Variants in LTA4H observed in about 807,000 individuals in gnomAD.
LTA4H encodes leukotriene A4 hydrolase.
In LTA4H, 59 loss-of-function variants were observed where a neutral mutation model predicts 89.8. That is an observed-to-expected ratio of 0.66 (90% CI 0.53 to 0.82). The LOEUF (loss-of-function observed/expected upper bound fraction) is 0.82, where lower values mean the gene tolerates loss of function less well. LTA4H is among the 40% of genes least tolerant of loss of function. The pLI is 0.00. For missense variants in LTA4H, 617 were observed against 727.0 expected (o/e 0.85, Z 1.74); for synonymous variants, 227 against 253.1 (o/e 0.90, Z 0.98).
upstream of LTA4H, among the ~76,000 whole-genome samples, chr12:96,036,996 G>A (rs1592904393): frequency 1.3e-5 from 2 of 152,200 alleles, no homozygotes; most frequent in East Asian, 1.9e-4. Flanking sequence ...ACACTGTGGC[G>A]AGGACAGCAC....
rs988199539 is a variant in LTA4H, at chr12:96,017,029, T to C, written c.947+15A>G. 33 of 1,578,590 alleles carry C rather than the reference T, an allele frequency of 2.1e-5. No homozygotes were observed. The highest frequency in any genetic ancestry group is 2.8e-5 in the Non-Finnish European group (32 of 1,148,466). Reference sequence around the variant, plus strand: ...GCAACATGAACCAATAAAGAAATAATAACAAAAATCTTACCAAAAGTGATC... The same window carrying C: ...GCAACATGAACCAATAAAGAAATAACAACAAAAATCTTACCAAAAGTGATC... On this transcript the variant is annotated intron_variant, in intron 10 of 18. Transcript: ENST00000228740.
chr12:96,006,233 A>G, intron 16 of LTA4H, 81 bp downstream of exon 16: 1 of 773,478 alleles, frequency 1.3e-6, no homozygotes, highest in Non-Finnish European at 2.1e-6. Flanking sequence ...CACATTAATA[A>G]TCTTTTGCCA....
At chr12:96,001,162 A>C (rs1471192238) in intron 18 of LTA4H, 56 bp from the exon 19 acceptor site, 1 of 1,068,254 alleles carries the variant, frequency 9.4e-7, no homozygotes, top group Non-Finnish European at 1.5e-6. Flanking sequence ...ACAGAGGAGG[A>C]GAAAGGGAGG....
upstream of LTA4H, among the ~76,000 whole-genome samples, chr12:96,039,125 C>T (rs1042755832): frequency 6.6e-6 from 1 of 151,980 alleles, no homozygotes; most frequent in Non-Finnish European, 1.5e-5. Context: ...TGGCCCACAC[C>T]GGTAATCCCA....
intron 1 of LTA4H, among the ~76,000 whole-genome samples, chr12:96,040,870 C>A (rs1950682056): frequency 6.6e-6 from 1 of 152,234 alleles, no homozygotes; most frequent in Admixed American, 6.5e-5. Context: ...GCCCCAGATA[C>A]TTGCCCTTAT....
intron 2 of LTA4H, chr12:96,028,006 G>C (rs575352467): frequency 6.6e-6 from 1 of 152,444 alleles, no homozygotes; most frequent in Admixed American, 6.5e-5. Flanking sequence ...CAGAAGTTGA[G>C]AGTCAGCATT....
Position 96,014,848 on chromosome 12 carries a change from T to G in LTA4H, c.1204+7A>C, listed in dbSNP as rs1168780765. 5 of 1,601,400 alleles carry G rather than the reference T, an allele frequency of 3.1e-6. No individual in the cohort carries two copies. The South Asian group carries it at 5.7e-5, about 18-fold the overall frequency. On this transcript the variant is annotated splice_region_variant and intron_variant, in intron 12 of 18. Coordinates refer to ENST00000228740, the MANE Select transcript of LTA4H (RefSeq NM_000895.3). ...AAAAAAAAAATCATAAAATACCAAC[T>G]ACTTACCTGGTCCTCCAAGCAGTTG... is the stretch of plus-strand genomic sequence containing the variant.
At chr12:96,002,475 G>A (rs1191241717) in intron 18 of LTA4H, among the ~76,000 whole-genome samples, 4 of 152,010 alleles carry the variant, frequency 2.6e-5, no homozygotes, top group East Asian at 1.9e-4. Context: ...CCTTGACTGA[G>A]ATATTCTTGT....
intron 10 of LTA4H, 55 bp downstream of exon 10, chr12:96,016,989 G>A: frequency 3.4e-6 from 4 of 1,188,038 alleles, no homozygotes; most frequent in Non-Finnish European, 5.0e-6. Context: ...GTAGGAGGCA[G>A]GGAAAAAAAA....
intron 5 of LTA4H, 121 bp from the exon 6 acceptor site, chr12:96,021,258 G>A: frequency 4.7e-6 from 3 of 640,004 alleles, no homozygotes; most frequent in South Asian, 5.7e-5. Flanking sequence ...ATATTAGTAG[G>A]GATAACTTTG....
chr12:96,035,706 C>CCTT, upstream of LTA4H: 1 of 1,380,628 alleles, frequency 7.2e-7, no homozygotes, highest in Non-Finnish European at 9.4e-7. Context: ...ACTACAAGTT[C>CCTT]CATGGTGCCG....
At chr12:96,010,682 A>G (rs1174803204) in intron 14 of LTA4H, 1 of 152,236 alleles carries the variant, frequency 6.6e-6, no homozygotes, top group Non-Finnish European at 1.5e-5. Flanking sequence ...GCAAAGAGAT[A>G]CCAGTGGAGA....
chr12:96,027,367 C>A, intron 3 of LTA4H, 77 bp downstream of exon 3: 1 of 1,315,298 alleles, frequency 7.6e-7, no homozygotes, highest in Non-Finnish European at 1.0e-6. Context: ...ATCCATAAAA[C>A]CACTGTTCAT....
chr12:96,043,261 A>G lies in LTA4H; in HGVS notation c.87+28T>C, dbSNP rs1384637690. 27 of 1,483,088 alleles carry G rather than the reference A, an allele frequency of 1.8e-5. No individual in the cohort carries two copies. The South Asian group carries it at 2.0e-4, about 11-fold the overall frequency. The allele number at this position is 1,483,088 out of a possible 1,614,324, so 91.9% of individuals were successfully genotyped here. On this transcript the variant is annotated intron_variant, in intron 1 of 17. Transcript: ENST00000413268. ...GGGACTCGACTTGAAAGAACCTCAC[A>G]TGCCTTGAGAAGGAGCTTGGAACTT...
intron 1 of LTA4H, among the ~76,000 whole-genome samples, chr12:96,040,809 C>T (rs1950681566): frequency 6.6e-6 from 1 of 152,192 alleles, no homozygotes; most frequent in African/African-American, 2.4e-5. Flanking sequence ...TCACAGGGAA[C>T]TCAATCTTTA....
Position 96,022,189 on chromosome 12 carries a change from G to A in LTA4H, c.543C>T (p.Asp181=). 1 of 1,613,906 alleles carries A rather than the reference G, an allele frequency of 6.2e-7. No homozygotes were observed. The highest frequency in any genetic ancestry group is 8.5e-7 in the Non-Finnish European group (1 of 1,179,878). ...ATATTTTCCTGCTTGGGTCTTCTGG[G>A]TCAGGTGTTTCTCCATCACGAATAG... is the stretch of plus-strand genomic sequence containing the variant. The part of the protein sequence containing the change: ...MSAIRDGETP[D]PEDPSRKIYK... The change falls in exon 5 of 19, where the codon GAC becomes GAT. Residue 181 remains aspartate, a synonymous_variant. Transcript: ENST00000228740. The surrounding 1 kb of genome is among the most constrained non-coding windows in gnomAD (Gnocchi z 4.0).
intron 5 of LTA4H, 37 bp from the exon 6 acceptor site, chr12:96,021,174 A>G: frequency 6.7e-7 from 1 of 1,501,202 alleles, no homozygotes; most frequent in Admixed American, 2.3e-5. Flanking sequence ...ACGTGCTTGC[A>G]TTAGTGTTCA....
Position 96,006,301 on chromosome 12 carries a change from A to C in LTA4H, c.1530+13T>G. The C allele has an allele frequency of 1.3e-6, 2 of 1,542,810 alleles. No individual in the cohort carries two copies. The highest frequency in any genetic ancestry group is 1.8e-6 in the Non-Finnish European group (2 of 1,123,286). On this transcript the variant is annotated intron_variant, in intron 16 of 18. Coordinates refer to ENST00000228740, the MANE Select transcript of LTA4H (RefSeq NM_000895.3). ...GTCCATTTTAATTTCTAAGATTTTG[A>C]GCTAGTACTTACCCTCTGGAGCGTC...
chr12:96,034,323 G>T (rs561029016), intron 1 of LTA4H, among the ~76,000 whole-genome samples: 35 of 152,306 alleles, frequency 2.3e-4, no homozygotes, highest in Non-Finnish European at 4.3e-4. Flanking sequence ...CAGGTGAAAG[G>T]TACCTTCAGA....
Sources: gnomAD v4.1 joint callset for allele counts (sites outside exome capture counted in the v4.1 genomes callset) on GRCh38, gnomAD v4.1.1 for gene constraint, Gnocchi (gnomAD v3.1) non-coding constraint, MANE v1.5 for transcripts, NCBI Gene and HGNC (gene_info 2026-07-23, HGNC 2026-07-21) for gene names.